The following ITCH variants were observed in gnomAD, a reference collection of about 807,000 sequenced individuals.
ITCH encodes E3 ubiquitin-protein ligase Itchy homolog.
Under a neutral mutation model 126.8 loss-of-function variants are expected in ITCH, and 28 were observed. The observed-to-expected ratio is 0.22, with a 90% CI of 0.16 to 0.30. The LOEUF (loss-of-function observed/expected upper bound fraction) is 0.30. Among genes scored for constraint, ITCH ranks in the 10% least tolerant of loss-of-function variants. ITCH has a pLI of 1.00. For missense variants in ITCH, 631 were observed against 1,032.4 expected (o/e 0.61, Z 5.33); for synonymous variants, 342 against 340.0 (o/e 1.01, Z -0.06).
Position 34,412,575 on chromosome 20 carries a change from T to A in ITCH, c.273T>A (p.Ser91=). The change falls in exon 5 of 25, where the codon TCT becomes TCA. Residue 91 remains serine (S), a synonymous_variant. Transcript: ENST00000374864. The part of the protein sequence containing the change: ...FRVWSHQTLK[S]DVLLGTAALD... Reference sequence around the variant, plus strand: ...TGTGGAGTCACCAGACACTGAAATCTGATGTTTTGTTGGGAACTGCTGCAT... The same window carrying A: ...TGTGGAGTCACCAGACACTGAAATCAGATGTTTTGTTGGGAACTGCTGCAT... 6.2e-7 allele frequency: 1 copy of A among 1,603,864 alleles called. No homozygotes were observed. Among genetic ancestry groups the A allele is most frequent in the Non-Finnish European group, 8.5e-7 (1 of 1,170,778 alleles).
rs1023504635 is a variant in ITCH at position 34,494,223 on chromosome 20, C to T, written c.2416+1626C>T. On this transcript the variant is annotated intron_variant, in intron 23 of 24. Transcript: ENST00000374864. ...CCAGCCTGGGAAACAGAGTGAGACT[C>T]CATCTCAAAGGAAAAGAAAAGATGG... 2.0e-5 allele frequency among the ~76,000 whole-genome samples: 3 copies of T among 152,200 alleles called. No homozygotes were observed. The East Asian group carries it at 5.8e-4, about 29-fold the overall frequency.
At chr20:34,428,342 T>C (rs1601876657) in intron 7 of ITCH, among the ~76,000 whole-genome samples, 1 of 152,214 alleles carries the variant, frequency 6.6e-6, no homozygotes, top group Admixed American at 6.5e-5. Context: ...TCCATCCTCA[T>C]AGTTATCGTT....
intron 14 of ITCH, among the ~76,000 whole-genome samples, chr20:34,466,148 C>A (rs62212231): frequency 2.0e-5 from 3 of 150,826 alleles, no homozygotes; most frequent in Non-Finnish European, 4.4e-5. Flanking sequence ...TTTGTAAAAT[C>A]CTTTTTTGGT....
intron 2 of ITCH, among the ~76,000 whole-genome samples, chr20:34,383,452 C>T (rs546406938): frequency 1.3e-4 from 19 of 150,468 alleles, no homozygotes; most frequent in South Asian, 6.4e-4. Flanking sequence ...CTGCAACCTC[C>T]GCCTCCTTGG....
At chr20:34,468,879 T>G (rs1449028171) in intron 14 of ITCH, among the ~76,000 whole-genome samples, 1 of 151,810 alleles carries the variant, frequency 6.6e-6, no homozygotes, top group Non-Finnish European at 1.5e-5. Context: ...CTCACACAAA[T>G]AACGTTTGTA....
chr20:34,410,226 G>A (rs1263096662), intron 4 of ITCH, among the ~76,000 whole-genome samples: 1 of 151,894 alleles, frequency 6.6e-6, no homozygotes, highest in East Asian at 1.9e-4. Flanking sequence ...AAATTAGCTG[G>A]GTGTGGTGGT....
At chr20:34,479,532 A>G (rs1396277793) in intron 17 of ITCH, 98 bp from the exon 18 acceptor site, 2 of 905,168 alleles carry the variant, frequency 2.2e-6, no homozygotes, top group African/African-American at 1.7e-5. Context: ...AACTATCACT[A>G]GCTGAGGGGT....
At chr20:34,457,169 G>A (rs996599472) in intron 12 of ITCH, among the ~76,000 whole-genome samples, 1 of 152,164 alleles carries the variant, frequency 6.6e-6, no homozygotes, top group African/African-American at 2.4e-5. Context: ...ACATTATAAA[G>A]TACGTCTACT....
At chr20:34,493,579 A>G (rs929592600) in intron 23 of ITCH, among the ~76,000 whole-genome samples, 1 of 152,226 alleles carries the variant, frequency 6.6e-6, no homozygotes, top group African/African-American at 2.4e-5. Context: ...AGCTTAATAG[A>G]AAATGAAGTA....
intron 11 of ITCH, among the ~76,000 whole-genome samples, chr20:34,447,969 C>T (rs1487786231): frequency 6.6e-6 from 1 of 152,146 alleles, no homozygotes; most frequent in African/African-American, 2.4e-5. Flanking sequence ...CCAAATGTAA[C>T]GTAAGGACTT....
chr20:34,413,409 T>G (rs904725980), intron 5 of ITCH, among the ~76,000 whole-genome samples: 2 of 152,196 alleles, frequency 1.3e-5, no homozygotes, highest in African/African-American at 4.8e-5. Flanking sequence ...TTTACTCAAT[T>G]TAATTCAGGT....
intron 2 of ITCH, among the ~76,000 whole-genome samples, chr20:34,380,941 C>G (rs6142153): frequency 0.51 from 77,516 of 151,674 alleles, 20,077 homozygotes; most frequent in Admixed American, 0.62. Context: ...GTATGTGTCA[C>G]TGCACCTGGG....
chr20:34,492,506 T>C lies in ITCH; in HGVS notation c.2325T>C (p.Val775=). 6.3e-7 allele frequency: 1 copy of C among 1,588,536 alleles called. No homozygotes were observed. The highest frequency in any genetic ancestry group is 8.6e-7 in the Non-Finnish European group (1 of 1,156,602). Residue 775 remains valine (V), a synonymous_variant, in exon 23 of 25, where the codon GTT becomes GTC. Coordinates refer to ENST00000374864, the MANE Select transcript of ITCH (RefSeq NM_031483.7). Reference sequence around the variant, plus strand: ...TTTAAATATACTTTTAACAGTTTGTTAAAGAAATTGATAATGAGAAGAGAA... The same window carrying C: ...TTTAAATATACTTTTAACAGTTTGTCAAAGAAATTGATAATGAGAAGAGAA... ...SKQIMWFWQF[V]KEIDNEKRMR... is the part of the protein sequence containing the mutation.
At chr20:34,462,587 T>C (rs1398243473) in intron 14 of ITCH, among the ~76,000 whole-genome samples, 5 of 152,224 alleles carry the variant, frequency 3.3e-5, no homozygotes, top group African/African-American at 1.2e-4. Context: ...AGTAACCTTT[T>C]GATTTGCTTA....
intron 3 of ITCH, among the ~76,000 whole-genome samples, chr20:34,398,709 C>T (rs1485716673): frequency 2.0e-5 from 3 of 152,012 alleles, no homozygotes; most frequent in Admixed American, 6.6e-5. Flanking sequence ...TAAATATTCT[C>T]TTTTTTATAA....
intron 22 of ITCH, among the ~76,000 whole-genome samples, chr20:34,491,998 G>T (rs947702789): frequency 6.6e-6 from 1 of 152,180 alleles, no homozygotes; most frequent in Admixed American, 6.5e-5. Context: ...TCTGGGGCTG[G>T]GGGGTGGTGG....
intron 12 of ITCH, chr20:34,454,565 TATTTTC>T (rs1242597187): frequency 6.6e-6 from 1 of 152,324 alleles, no homozygotes; most frequent in Admixed American, 6.5e-5. Context: ...ATTGGAATTC[TATTTTC>T]ATTTTAAGCT....
At position 34,510,742 on chromosome 20, in the gene ITCH, TGTACTCGGGAGGCTGAG is replaced by T. The variant is rs1260021343; in HGVS notation, c.*2951_*2967del. ...ATAACTCTATTTAAAATTCAGGTAT[TGTACTCGGGAGGCTGAG>T]GTGGGAGGATCCCAGGAGTTCAAAT... On this transcript the variant is annotated 3_prime_UTR_variant, in exon 25 of 25. Transcript: ENST00000374864. The T allele has an allele frequency of 6.6e-5, 10 of 152,272 alleles. 1 individual carries two copies. Among genetic ancestry groups the T allele is most frequent in the Admixed American group, 3.3e-4 (5 of 15,294 alleles). 9.4% of individuals were successfully genotyped at this position (152,272 alleles called of 1,614,324 possible). A position where few individuals can be genotyped will look rare whatever the true frequency, so the allele number is the denominator to read the frequency against.
chr20:34,379,403 G>A (rs1348690171), intron 2 of ITCH, among the ~76,000 whole-genome samples: 2 of 152,146 alleles, frequency 1.3e-5, no homozygotes, highest in East Asian at 3.9e-4. Context: ...CATTTACCTT[G>A]TTATGTGACC....
Sources: gnomAD v4.1 joint callset for allele counts (sites outside exome capture counted in the v4.1 genomes callset) on GRCh38, gnomAD v4.1.1 for gene constraint, MANE v1.5 for transcripts, NCBI Gene and HGNC (gene_info 2026-07-23, HGNC 2026-07-21) for gene names.